ANXA6: variants seen among roughly 807,000 people sequenced by gnomAD.
The protein encoded by ANXA6 is 67 kDa calelectrin.
Under a neutral mutation model 95.4 loss-of-function variants are expected in ANXA6, and 71 were observed. The observed-to-expected ratio is 0.74, with a 90% CI of 0.61 to 0.91. The LOEUF (loss-of-function observed/expected upper bound fraction) is 0.91. Ranked by LOEUF, ANXA6 falls within the 40% of genes least tolerant of loss-of-function variation. ANXA6 has a pLI of 0.00. For missense variants in ANXA6, 830 were observed against 876.4 expected, an observed-to-expected ratio of 0.95 and a Z score of 0.67; for synonymous variants, 289 against 315.9, an observed-to-expected ratio of 0.91 and a Z score of 0.90.
At chr5:151,109,569 A>G (rs186813405) in intron 22 of ANXA6, among the ~76,000 whole-genome samples, 184 bp downstream of exon 22, 6 of 152,318 alleles carry the variant, frequency 3.9e-5, no homozygotes, top group Admixed American at 2.6e-4. Flanking sequence ...AAGGTGAGGT[A>G]TAAGTGGTAG....
chr5:151,111,244 A>G (rs7724316), intron 20 of ANXA6, among the ~76,000 whole-genome samples: 90,758 of 152,066 alleles, frequency 0.6, 27,047 homozygotes, highest in East Asian at 0.67. Flanking sequence ...TATGCAGAGC[A>G]CAAAATTCTG....
At chr5:151,126,372 A>AGGTCAAGC in intron 14 of ANXA6, 30 bp downstream of exon 14, 1 of 1,579,796 alleles carries the variant, frequency 6.3e-7, no homozygotes, top group Non-Finnish European at 8.6e-7. Context: ...TGTGGTCAAG[A>AGGTCAAGC]GGTCAAGCAG....
chr5:151,110,804 G>T (rs754490604), intron 20 of ANXA6, among the ~76,000 whole-genome samples, 160 bp from the exon 21 acceptor site: 3 of 152,264 alleles, frequency 2.0e-5, no homozygotes, highest in African/African-American at 4.8e-5. Context: ...CGAAAGGAAG[G>T]GGGGTAGGGA....
At chr5:151,110,506 G>A in intron 21 of ANXA6, 121 bp downstream of exon 21, 1 of 1,099,438 alleles carries the variant, frequency 9.1e-7, no homozygotes, top group East Asian at 2.6e-5. Flanking sequence ...GCCCGGAAGG[G>A]GAGAGAGAGA....
chr5:151,116,900 G>C (rs1382332149), intron 20 of ANXA6, among the ~76,000 whole-genome samples: 1 of 152,194 alleles, frequency 6.6e-6, no homozygotes, highest in African/African-American at 2.4e-5. Context: ...TGATCTGCAG[G>C]TCCCTGCCAG....
intron 17 of ANXA6, among the ~76,000 whole-genome samples, chr5:151,121,932 G>A (rs1293196061): frequency 6.6e-6 from 1 of 152,154 alleles, no homozygotes; most frequent in Non-Finnish European, 1.5e-5. Flanking sequence ...GTGAGCCAAG[G>A]GTCCACAGAA....
chr5:151,154,329 ATATT>A (rs1354409233), intron 1 of ANXA6, among the ~76,000 whole-genome samples: 7 of 137,306 alleles, frequency 5.1e-5, no homozygotes, highest in South Asian at 2.4e-4. Flanking sequence ...ATATATATAT[ATATT>A]GATCCCATAC....
At chr5:151,143,294 C>T (rs1321943447) in intron 2 of ANXA6, among the ~76,000 whole-genome samples, 1 of 152,158 alleles carries the variant, frequency 6.6e-6, no homozygotes, top group Admixed American at 6.5e-5. Context: ...ACTGCTTCCT[C>T]CTGGTCAACC....
chr5:151,123,129 C>T (rs747261510), intron 15 of ANXA6, 118 bp from the exon 16 acceptor site: 12 of 862,106 alleles, frequency 1.4e-5, no homozygotes, highest in Non-Finnish European at 2.1e-5. Context: ...GGCTAAGCGG[C>T]CATGTGCTCC....
intron 23 of ANXA6, among the ~76,000 whole-genome samples, chr5:151,107,507 C>G (rs544299130): frequency 6.6e-6 from 1 of 152,208 alleles, no homozygotes; most frequent in Non-Finnish European, 1.5e-5. Context: ...CCTACCACCA[C>G]CTCTACTTCA....
chr5:151,140,903 C>T (rs980920797), intron 2 of ANXA6, among the ~76,000 whole-genome samples: 5 of 152,216 alleles, frequency 3.3e-5, no homozygotes, highest in Non-Finnish European at 5.9e-5. Context: ...TCTCCAGCCC[C>T]GCTCTGCTCT....
intron 1 of ANXA6, among the ~76,000 whole-genome samples, chr5:151,149,983 A>G (rs994183379): frequency 6.6e-6 from 1 of 151,948 alleles, no homozygotes; most frequent in African/African-American, 2.4e-5. Flanking sequence ...GCCAGGTGTG[A>G]TGGTGTGTGC....
chr5:151,124,002 C>A (rs992041590), intron 15 of ANXA6, among the ~76,000 whole-genome samples: 3 of 152,202 alleles, frequency 2.0e-5, no homozygotes, highest in Non-Finnish European at 4.4e-5. Flanking sequence ...GGGCACCATG[C>A]CAATTTTGTG....
intron 7 of ANXA6, among the ~76,000 whole-genome samples, chr5:151,135,290 A>G (rs1765626683): frequency 6.6e-6 from 1 of 152,164 alleles, no homozygotes; most frequent in South Asian, 2.1e-4. Flanking sequence ...GAGGATACAA[A>G]ACGCTTGACT....
chr5:151,103,714 G>A (rs1764613107), intron 24 of ANXA6, 22 bp from the exon 25 acceptor site: 1 of 1,601,048 alleles, frequency 6.2e-7, no homozygotes, highest in Non-Finnish European at 8.5e-7. Context: ...AGGCAGGAGG[G>A]AGACACAGGC....
intron 1 of ANXA6, among the ~76,000 whole-genome samples, chr5:151,154,574 C>T (rs1766188555): frequency 6.6e-6 from 1 of 152,278 alleles, no homozygotes; most frequent in Non-Finnish European, 1.5e-5. Flanking sequence ...CTCCCCCGGT[C>T]TGCAGGAAGA....
chr5:151,127,698 G>T (rs1561576243), intron 13 of ANXA6, among the ~76,000 whole-genome samples: 1 of 152,172 alleles, frequency 6.6e-6, no homozygotes, highest in Non-Finnish European at 1.5e-5. Flanking sequence ...GCACAGGACT[G>T]CTCCCTTCTG....
chr5:151,103,508 A>C (rs1179084761), intron 25 of ANXA6, 62 bp downstream of exon 25: 1 of 1,534,256 alleles, frequency 6.5e-7, no homozygotes, highest in African/African-American at 1.4e-5. Flanking sequence ...AAAGACTTCT[A>C]ATCTTATATT....
chr5:151,137,776 C>T (rs536870644), intron 5 of ANXA6, among the ~76,000 whole-genome samples: 2 of 152,322 alleles, frequency 1.3e-5, no homozygotes, highest in South Asian at 2.1e-4. Context: ...GAGGCCTCCC[C>T]GGAAGCAGAA....
Sources: gnomAD v4.1 joint callset for allele counts (sites outside exome capture counted in the v4.1 genomes callset) on GRCh38, gnomAD v4.1.1 for gene constraint, MANE v1.5 for transcripts, NCBI Gene and HGNC (gene_info 2026-07-23, HGNC 2026-07-21) for gene names.